The following TSHZ3 variants were observed in gnomAD, a reference collection of about 807,000 sequenced individuals.
The protein encoded by TSHZ3 is teashirt homolog 3.
Under a neutral mutation model 64.5 loss-of-function variants are expected in TSHZ3, and 10 were observed. The observed-to-expected ratio is 0.16, with a 90% CI of 0.10 to 0.26. The LOEUF is 0.26. TSHZ3 is among the 10% of genes least tolerant of loss of function. The pLI, the probability that TSHZ3 is intolerant of heterozygous loss-of-function variation, is 1.00. For missense variants in TSHZ3, 1,242 were observed against 1,421.7 expected (o/e 0.87, Z 2.03); for synonymous variants, 608 against 593.1 (o/e 1.03, Z -0.36).
intron 1 of TSHZ3, among the ~76,000 whole-genome samples, chr19:31,299,269 G>A (rs1002011172): frequency 4.6e-5 from 7 of 152,262 alleles, no homozygotes; most frequent in South Asian, 2.1e-4. Flanking sequence ...GTCCGGCCAC[G>A]CCACCTTGGC....
intron 1 of TSHZ3, among the ~76,000 whole-genome samples, chr19:31,314,307 A>T (rs1262097936): frequency 2.0e-5 from 3 of 152,188 alleles, no homozygotes; most frequent in Non-Finnish European, 4.4e-5. Context: ...TTCCAGAGCC[A>T]TGGGAGAGAG....
At chr19:31,216,247 T>A (rs1422208488) in intron 4 of TSHZ3, among the ~76,000 whole-genome samples, 1 of 152,164 alleles carries the variant, frequency 6.6e-6, no homozygotes, top group Non-Finnish European at 1.5e-5. Flanking sequence ...TTAGGCCTTT[T>A]TGGGGGGGCT....
At chr19:31,243,469 G>C (rs1975722770) in intron 1 of TSHZ3, among the ~76,000 whole-genome samples, 1 of 152,178 alleles carries the variant, frequency 6.6e-6, no homozygotes, top group Non-Finnish European at 1.5e-5. Context: ...GGGTCCCACT[G>C]TATCACACCA....
chr19:31,311,866 G>A (rs1303750382), intron 1 of TSHZ3, among the ~76,000 whole-genome samples: 1 of 152,144 alleles, frequency 6.6e-6, no homozygotes, highest in Non-Finnish European at 1.5e-5. Flanking sequence ...TGGGACTGCA[G>A]GTGTGCGCCA....
At position 31,267,061 on chromosome 19, in the gene TSHZ3, G is replaced by A. The variant is rs551296670; in HGVS notation, n.64-24186C>T. 5.3e-5 allele frequency among the ~76,000 whole-genome samples: 8 copies of A among 152,298 alleles called. No individual in the cohort carries two copies. The South Asian group carries it at 6.2e-4, about 12-fold the overall frequency. On this transcript the variant is annotated intron_variant and non_coding_transcript_variant, in intron 1 of 6. Transcript: ENST00000651361. ...CCCAATCGTGTTCTTCATTCACTGC[G>A]TGTTGTCATTGACTTGGCATGATTG... is the stretch of plus-strand genomic sequence containing the variant.
At chr19:31,311,017 G>A (rs896423397) in intron 1 of TSHZ3, among the ~76,000 whole-genome samples, 1 of 152,186 alleles carries the variant, frequency 6.6e-6, no homozygotes, top group East Asian at 1.9e-4. Context: ...ACTCCTGCCT[G>A]TGCCATCAGC....
At chr19:31,274,935 CA>C (rs1431297722), downstream of TSHZ3, 1 of 152,040 alleles carries the variant, frequency 6.6e-6, no homozygotes, top group Admixed American at 6.6e-5. Context: ...ATTGTGAACG[CA>C]ACACAAAATT....
intron 1 of TSHZ3, among the ~76,000 whole-genome samples, chr19:31,297,916 T>C (rs533062375): frequency 6.6e-6 from 1 of 152,356 alleles, no homozygotes; most frequent in East Asian, 1.9e-4. Context: ...CCAGTGGTTA[T>C]GCTCCTAAAA....
chr19:31,338,034 T>C (rs574810585), intron 1 of TSHZ3, among the ~76,000 whole-genome samples: 8 of 152,232 alleles, frequency 5.3e-5, no homozygotes, highest in Non-Finnish European at 1.2e-4. Flanking sequence ...ACATATTTAA[T>C]AGAATCCCTG....
At chr19:31,299,068 G>A (rs1008516736) in intron 1 of TSHZ3, among the ~76,000 whole-genome samples, 4 of 152,158 alleles carry the variant, frequency 2.6e-5, no homozygotes, top group East Asian at 1.9e-4. Context: ...GGTAGCGGGC[G>A]CCTGTAGTCC....
chr19:31,330,993 T>C (rs2145181846), intron 1 of TSHZ3, among the ~76,000 whole-genome samples: 1 of 152,250 alleles, frequency 6.6e-6, no homozygotes, highest in African/African-American at 2.4e-5. Context: ...CCAGGCAAAT[T>C]CTAGCAAAGA....
chr19:31,195,466 G>A (rs897255380), intron 5 of TSHZ3: 5 of 152,108 alleles, frequency 3.3e-5, no homozygotes, highest in Middle Eastern at 3.4e-3. Context: ...AAGAGAAAAA[G>A]AAACATCTTA....
At chr19:31,238,304 G>T (rs1975646125) in intron 3 of TSHZ3, among the ~76,000 whole-genome samples, 1 of 144,844 alleles carries the variant, frequency 6.9e-6, no homozygotes, top group Non-Finnish European at 1.5e-5. Context: ...CACCCGGACT[G>T]CAGAGCAATG....
exon 3 of TSHZ3, among the ~76,000 whole-genome samples, chr19:31,242,568 T>C (rs538830638): frequency 6.6e-6 from 1 of 151,978 alleles, no homozygotes; most frequent in Admixed American, 6.6e-5. Flanking sequence ...CAGATGGGTG[T>C]CTCAGGTCTA....
chr19:31,313,394 T>C (rs933762478), intron 1 of TSHZ3, among the ~76,000 whole-genome samples: 22 of 152,246 alleles, frequency 1.4e-4, no homozygotes, highest in African/African-American at 4.8e-4. Context: ...ATGGCCCCCA[T>C]GCCTGGCTGC....
intron 1 of TSHZ3, among the ~76,000 whole-genome samples, chr19:31,321,706 G>A (rs571023158): frequency 2.0e-5 from 3 of 152,208 alleles, no homozygotes; most frequent in African/African-American, 7.2e-5. Context: ...CAGAGGGAGT[G>A]AGCCAGAGTT....
rs547619435 is a variant in TSHZ3 at position 31,290,870 on chromosome 19, C to T, written c.41-11118G>A. ...AGGCTGGCCATGGCGGGATGACAAC[C>T]TCCCCTAGATTGATTGCTCTTCCCA... On this transcript the variant is annotated intron_variant, in intron 1 of 1. Transcript: ENST00000240587. Among the ~76,000 whole-genome samples, 178 of 152,296 alleles carry T rather than the reference C, an allele frequency of 1.2e-3. 1 individual carries two copies. Among genetic ancestry groups the T allele is most frequent in the African/African-American group, 3.9e-3 (161 of 41,548 alleles).
chr19:31,306,113 A>G (rs1363649789), intron 1 of TSHZ3, among the ~76,000 whole-genome samples: 1 of 152,186 alleles, frequency 6.6e-6, no homozygotes. Flanking sequence ...GGAGTGACGC[A>G]CAGGTGTGCC....
intron 5 of TSHZ3, among the ~76,000 whole-genome samples, chr19:31,166,960 T>G (rs909639166): frequency 6.6e-6 from 1 of 152,178 alleles, no homozygotes; most frequent in Non-Finnish European, 1.5e-5. Flanking sequence ...CCCTCATTTA[T>G]AGATGGCAGA....
Sources: gnomAD v4.1 joint callset for allele counts (sites outside exome capture counted in the v4.1 genomes callset) on GRCh38, gnomAD v4.1.1 for gene constraint, MANE v1.5 for transcripts, NCBI Gene and HGNC (gene_info 2026-07-23, HGNC 2026-07-21) for gene names.